Variants in MCM6 observed in about 807,000 individuals in gnomAD.
MCM6 encodes the protein DNA replication licensing factor MCM6.
Under a neutral mutation model 94.3 loss-of-function variants are expected in MCM6, and 46 were observed. The observed-to-expected ratio is 0.49, with a 90% CI of 0.39 to 0.62. The LOEUF (loss-of-function observed/expected upper bound fraction) is 0.62. Ranked by LOEUF, MCM6 falls within the 20% of genes least tolerant of loss-of-function variation. MCM6 has a pLI of 0.00. For synonymous variants in MCM6, 335 were observed against 351.9 expected, an observed-to-expected ratio of 0.95 and a Z score of 0.54; for missense variants, 865 against 1,017.9, an observed-to-expected ratio of 0.85 and a Z score of 2.04.
At chr2:135,847,831 GA>G (rs1276983165) in intron 14 of MCM6, among the ~76,000 whole-genome samples, 1 of 152,154 alleles carries the variant, frequency 6.6e-6, no homozygotes, top group Non-Finnish European at 1.5e-5. Flanking sequence ...CAAAGTGCTG[GA>G]ATTATAGGCG....
chr2:135,855,291 G>C (rs1347363989), intron 11 of MCM6, among the ~76,000 whole-genome samples: 1 of 152,196 alleles, frequency 6.6e-6, no homozygotes, highest in African/African-American at 2.4e-5. Context: ...AAACATAAAT[G>C]TATGAAAATC....
chr2:135,846,387 C>A lies in MCM6; in HGVS notation c.2059G>T (p.Ala687Ser), dbSNP rs146829469. ...DEGAGGINGH[A>S]DSPAPVNGIN... ...CCGTTCACAGGAGCAGGGCTGTCAG[C>A]ATGACCTAAGTGAAAAATTGACCAC... The change falls in exon 15 of 17, where the codon GCT (alanine) becomes TCT (serine). Residue 687 changes from alanine to serine, a missense_variant. Ala to Ser is a moderately conservative substitution (Grantham distance 99, BLOSUM62 1). Around this residue, in one of 3 missense-constraint regions of MCM6, gnomAD observed 308 missense variants for 324.5 expected, o/e 0.95. Coordinates refer to ENST00000264156, the MANE Select transcript of MCM6 (RefSeq NM_005915.6). The A allele has an allele frequency of 6.2e-7, 1 of 1,614,054 alleles. No individual in the cohort carries two copies. Among genetic ancestry groups the A allele is most frequent in the Non-Finnish European group, 8.5e-7 (1 of 1,179,906 alleles).
At chr2:135,847,316 T>C (rs913513033) in intron 14 of MCM6, among the ~76,000 whole-genome samples, 12 of 152,120 alleles carry the variant, frequency 7.9e-5, no homozygotes, top group Admixed American at 4.6e-4. Context: ...TTAGAGAGGA[T>C]AGGGAGAAGG....
intron 13 of MCM6, among the ~76,000 whole-genome samples, chr2:135,850,267 T>G (rs933017780): frequency 5.3e-5 from 8 of 152,186 alleles, no homozygotes; most frequent in African/African-American, 1.9e-4. Flanking sequence ...GCACTCTGGT[T>G]GTGATGCTCT....
At chr2:135,856,657 C>G (rs1679897249) in intron 11 of MCM6, 71 bp downstream of exon 11, 2 of 1,490,760 alleles carry the variant, frequency 1.3e-6, no homozygotes, top group African/African-American at 2.8e-5. Flanking sequence ...AGCTGTTGAG[C>G]AGTGTATCTT....
At chr2:135,842,771 G>A (rs919196334) in intron 16 of MCM6, among the ~76,000 whole-genome samples, 13 of 152,164 alleles carry the variant, frequency 8.5e-5, no homozygotes, top group African/African-American at 2.2e-4. Flanking sequence ...TATTTGGTGT[G>A]CCTAGGGATC....
intron 4 of MCM6, among the ~76,000 whole-genome samples, chr2:135,867,941 G>A (rs1327213985): frequency 6.6e-6 from 1 of 151,990 alleles, no homozygotes. Context: ...GCAGGAGAAT[G>A]GCGTGAACCC....
chr2:135,853,259 C>A (rs988763916), intron 11 of MCM6, among the ~76,000 whole-genome samples: 1 of 152,016 alleles, frequency 6.6e-6, no homozygotes, highest in African/African-American at 2.4e-5. Flanking sequence ...CCAGTCAGGG[C>A]GACAAACTGA....
chr2:135,856,659 G>A, intron 11 of MCM6, 69 bp downstream of exon 11: 2 of 1,512,060 alleles, frequency 1.3e-6, no homozygotes, highest in Non-Finnish European at 1.8e-6. Context: ...CTGTTGAGCA[G>A]TGTATCTTCC....
At position 135,848,205 on chromosome 2, in the gene MCM6, G is replaced by A. The variant is rs779929883; in HGVS notation, c.1918-17C>T. ...AGGTTGGACCTAAACCAATAATGAT[G>A]AAGTAATTAAGCTACTTTTTTTGAT... On this transcript the variant is annotated splice_polypyrimidine_tract_variant and intron_variant, in intron 13 of 16. Coordinates refer to ENST00000264156, the MANE Select transcript of MCM6 (RefSeq NM_005915.6). 2 of 1,582,216 alleles carry A rather than the reference G, an allele frequency of 1.3e-6. No individual in the cohort carries two copies. The highest frequency in any genetic ancestry group is 1.3e-5 in the African/African-American group (1 of 74,398).
intron 1 of MCM6, among the ~76,000 whole-genome samples, chr2:135,873,244 T>A (rs1680237119): frequency 6.6e-6 from 1 of 152,218 alleles, no homozygotes. Flanking sequence ...ATTGTGAGGT[T>A]TAACTGCTAA....
chr2:135,851,381 A>G (rs776103458), intron 13 of MCM6, 21 bp downstream of exon 13: 2 of 1,595,738 alleles, frequency 1.3e-6, no homozygotes, highest in African/African-American at 1.3e-5. Flanking sequence ...TGCTCTCATC[A>G]TATCAAAGTG....
intron 1 of MCM6, among the ~76,000 whole-genome samples, chr2:135,873,279 CTCT>C (rs1292665709): frequency 6.6e-6 from 1 of 152,228 alleles, no homozygotes; most frequent in African/African-American, 2.4e-5. Context: ...CAACAACTAA[CTCT>C]TCTTTTACTA....
chr2:135,859,690 C>T lies in MCM6; in HGVS notation c.1221-248G>A, dbSNP rs1407278709. Reference sequence around the variant, plus strand: ...CAATCTCAGCTCACTGCAACCTCCACCTCCTAGGTTCAGGCGATTCTCGTG... The same window carrying T: ...CAATCTCAGCTCACTGCAACCTCCATCTCCTAGGTTCAGGCGATTCTCGTG... On this transcript the variant is annotated intron_variant, in intron 8 of 16. Transcript: ENST00000264156. Among the ~76,000 whole-genome samples, 12 of 152,186 alleles carry T rather than the reference C, an allele frequency of 7.9e-5. No homozygotes were observed. In the East Asian group the frequency reaches 2.1e-3, roughly 27 times the overall value.
At position 135,868,933 on chromosome 2, in the gene MCM6, G is replaced by T. The variant is rs1194339826; in HGVS notation, c.366-73C>A. The T allele has an allele frequency of 5.0e-6, 7 of 1,397,606 alleles. No homozygotes were observed. The African/African-American group carries it at 5.7e-5, about 11-fold the overall frequency. The allele number at this position is 1,397,606 out of a possible 1,614,324, so 86.6% of individuals were successfully genotyped here. A position where few individuals can be genotyped will look rare whatever the true frequency, so the allele number is the denominator to read the frequency against. ...AGAATCTTTCCATTTTAGTGAGAGG[G>T]TATTCAAAGATAATTTATGTTTAAA... On this transcript the variant is annotated intron_variant, in intron 3 of 16. Coordinates refer to ENST00000264156, the MANE Select transcript of MCM6 (RefSeq NM_005915.6).
intron 4 of MCM6, 128 bp downstream of exon 4, chr2:135,868,483 G>C: frequency 1.1e-6 from 1 of 915,238 alleles, no homozygotes; most frequent in South Asian, 1.7e-5. Context: ...TAACTTTGTA[G>C]TCATTTTGAT....
intron 13 of MCM6, among the ~76,000 whole-genome samples, chr2:135,850,934 G>C (rs1679769703): frequency 6.6e-6 from 1 of 152,184 alleles, no homozygotes; most frequent in African/African-American, 2.4e-5. Context: ...TGGGACGCTT[G>C]AATGCCCTTT....
intron 11 of MCM6, 83 bp from the exon 12 acceptor site, chr2:135,852,998 G>T (rs754980990): frequency 1.6e-6 from 2 of 1,277,976 alleles, no homozygotes; most frequent in Non-Finnish European, 2.1e-6. Context: ...ATGATTTATC[G>T]CCAAAAACAA....
intron 2 of MCM6, 126 bp downstream of exon 2, chr2:135,872,571 T>C (rs1311641305): frequency 3.0e-6 from 3 of 1,000,176 alleles, no homozygotes; most frequent in Non-Finnish European, 4.5e-6. Context: ...AAAGCGCCTC[T>C]TCTCAGTGGG....
Sources: allele counts gnomAD v4.1 joint callset (sites outside exome capture counted in the v4.1 genomes callset), GRCh38; gene constraint gnomAD v4.1.1; regional missense constraint gnomAD v4.1.1; transcripts MANE v1.5; gene names NCBI Gene and HGNC (gene_info 2026-07-23, HGNC 2026-07-21).